The following TTLL8 variants were observed in gnomAD, a reference collection of about 807,000 sequenced individuals.
TTLL8 encodes protein monoglycylase TTLL8.
Under a neutral mutation model 77.8 loss-of-function variants are expected in TTLL8, and 65 were observed. The ratio of observed to expected loss-of-function variants is 0.84; its 90% CI spans 0.68 to 1.03. The LOEUF is 1.03. Ranked by LOEUF, TTLL8 falls within the 50% of genes least tolerant of loss-of-function variation. The pLI is 0.00. For missense variants in TTLL8, 910 were observed against 1,004.5 expected, an observed-to-expected ratio of 0.91 and a Z score of 1.27; for synonymous variants, 402 against 422.8, an observed-to-expected ratio of 0.95 and a Z score of 0.60.
chr22:50,019,756 T>A (rs1238263528), intron 12 of TTLL8, among the ~76,000 whole-genome samples: 1 of 152,162 alleles, frequency 6.6e-6, no homozygotes, highest in Non-Finnish European at 1.5e-5. Context: ...CCACAGAAAA[T>A]GTGGAGGATA....
intron 12 of TTLL8, among the ~76,000 whole-genome samples, chr22:50,019,586 T>G (rs1262124517): frequency 1.3e-5 from 2 of 152,070 alleles, no homozygotes; most frequent in Non-Finnish European, 2.9e-5. Flanking sequence ...CTGTGGAAGG[T>G]CCACGTGGGA....
chr22:50,056,427 G>T (rs547820966), upstream of TTLL8, among the ~76,000 whole-genome samples: 1 of 152,176 alleles, frequency 6.6e-6, no homozygotes, highest in African/African-American at 2.4e-5. The surrounding 1 kb of genome is among the most constrained non-coding windows in gnomAD (Gnocchi z 4.1). Flanking sequence ...CGGAGCTCTC[G>T]ATCTGGCCCT....
upstream of TTLL8, among the ~76,000 whole-genome samples, chr22:50,057,657 TGG>T: frequency 2.2e-5 from 2 of 91,848 alleles, no homozygotes; most frequent in Non-Finnish European, 4.0e-5. Context: ...AGGTCTGGGT[TGG>T]GAGATCAGGT....
At chr22:50,033,525 C>T (rs2061314193) in intron 9 of TTLL8, 80 bp from the exon 11 acceptor site, 5 of 1,246,418 alleles carry the variant, frequency 4.0e-6, no homozygotes, top group Middle Eastern at 2.3e-4. Flanking sequence ...GGGGCAGGGT[C>T]GCAGCTTGGC....
chr22:50,033,840 G>T (rs2061316595), intron 9 of TTLL8, among the ~76,000 whole-genome samples: 1 of 152,178 alleles, frequency 6.6e-6, no homozygotes, highest in Non-Finnish European at 1.5e-5. Context: ...TTCAAGACCA[G>T]CCTGGCCAAC....
At chr22:50,032,805 G>A (rs1400203056) in intron 10 of TTLL8, among the ~76,000 whole-genome samples, 1 of 152,170 alleles carries the variant, frequency 6.6e-6, no homozygotes, top group Non-Finnish European at 1.5e-5. Flanking sequence ...GGACCCGGGT[G>A]AGGTGGGGGT....
chr22:50,031,738 A>G lies in TTLL8; in HGVS notation c.1655T>C (p.Val552Ala), dbSNP rs766396879. 8.1e-6 allele frequency: 11 copies of G among 1,349,824 alleles called. No homozygotes were observed. In the South Asian group the frequency reaches 1.3e-4, roughly 15 times the overall value. The allele number at this position is 1,349,824 out of a possible 1,614,324, so 83.6% of individuals were successfully genotyped here. The change falls in exon 11 of 14, where the codon GTG becomes GCG. Residue 552 changes from valine (V) to alanine (A), a missense_variant. Physicochemically the swap from Val to Ala is moderately conservative, Grantham distance 64. Coordinates refer to ENST00000266182, the Ensembl canonical transcript of TTLL8. Reference sequence around the variant, plus strand: ...GATGTCACAGCTGCGGTCCACGGCCACCTTGATGGTGTCCTCCTGCACCTG... The same window carrying G: ...GATGTCACAGCTGCGGTCCACGGCCGCCTTGATGGTGTCCTCCTGCACCTG...
chr22:50,041,539 C>G lies in TTLL8; in HGVS notation c.830+82G>C. 1 of 1,240,578 alleles carries G rather than the reference C, an allele frequency of 8.1e-7. No individual in the cohort carries two copies. Among genetic ancestry groups the G allele is most frequent in the South Asian group, 1.4e-5 (1 of 69,406 alleles). 76.8% of individuals were successfully genotyped at this position (1,240,578 alleles called of 1,614,324 possible). Reference sequence around the variant, plus strand: ...TAATGCCCAGACAGGTGACCCAGTTCCCAGAGGCTGCACTGCCCCGGCAGC... The same window carrying G: ...TAATGCCCAGACAGGTGACCCAGTTGCCAGAGGCTGCACTGCCCCGGCAGC... On this transcript the variant is annotated intron_variant, in intron 7 of 13. Coordinates refer to ENST00000266182, the Ensembl canonical transcript of TTLL8. The surrounding 1 kb of genome is among the most constrained non-coding windows in gnomAD (Gnocchi z 4.3).
At chr22:50,028,593 G>A (rs1037932730) in intron 12 of TTLL8, among the ~76,000 whole-genome samples, 3 of 145,324 alleles carry the variant, frequency 2.1e-5, no homozygotes, top group East Asian at 2.0e-4. Flanking sequence ...CCATGCCCTC[G>A]TAAAGACCCC....
chr22:50,046,894 C>T (rs1389750409), intron 4 of TTLL8, among the ~76,000 whole-genome samples: 1 of 152,224 alleles, frequency 6.6e-6, no homozygotes, highest in Non-Finnish European at 1.5e-5. Flanking sequence ...CCGGTGGCAG[C>T]CCCCAGTCAG....
intron 4 of TTLL8, among the ~76,000 whole-genome samples, chr22:50,046,413 T>C (rs1052743572): frequency 2.0e-5 from 3 of 152,324 alleles, no homozygotes; most frequent in South Asian, 4.1e-4. Flanking sequence ...CACGCGCCAT[T>C]AGAGAGGCAT....
intron 12 of TTLL8, chr22:50,027,730 A>G: frequency 1.0e-6 from 1 of 985,434 alleles, no homozygotes; most frequent in Non-Finnish European, 1.2e-6. Flanking sequence ...TCTGAGAGCA[A>G]CGGTGCGGTT....
exon 4 of TTLL8, chr22:50,047,181 G>A (rs768187985): frequency 7.3e-7 from 1 of 1,367,514 alleles, no homozygotes; most frequent in Non-Finnish European, 9.8e-7. Context: ...GGTGGTGAAG[G>A]AGGCTGTCTT....
chr22:50,056,691 A>G, upstream of TTLL8: 1 of 949,656 alleles, frequency 1.1e-6, no homozygotes, highest in Non-Finnish European at 1.3e-6. This position sits in a 1 kb window ranked among gnomAD's most constrained non-coding sequence, Gnocchi z 4.1. Flanking sequence ...AGCGCCCCCC[A>G]ACACCCCTGG....
chr22:50,041,613 A>T lies in TTLL8; in HGVS notation c.830+8T>A, dbSNP rs2061371518. ...CCGACATGTGCCAGGGGCCTGCGTA[A>T]GTCTTACTGAACGAGGGAGTAGTAC... On this transcript the variant is annotated splice_region_variant and intron_variant, in intron 7 of 13. Transcript: ENST00000266182. The surrounding 1 kb of genome is among the most constrained non-coding windows in gnomAD (Gnocchi z 4.3). 1 of 1,348,172 alleles carries T rather than the reference A, an allele frequency of 7.4e-7. No homozygotes were observed. The highest frequency in any genetic ancestry group is 9.9e-7 in the Non-Finnish European group (1 of 1,011,756). 83.5% of individuals were successfully genotyped at this position (1,348,172 alleles called of 1,614,324 possible).
chr22:50,032,618 C>G (rs1052722108), intron 10 of TTLL8, among the ~76,000 whole-genome samples: 2 of 152,224 alleles, frequency 1.3e-5, no homozygotes, highest in Non-Finnish European at 1.5e-5. Context: ...TGGATTCTCA[C>G]TCGTAAAAAG....
intron 12 of TTLL8, among the ~76,000 whole-genome samples, chr22:50,022,878 A>G (rs1473899814): frequency 2.6e-5 from 4 of 152,288 alleles, no homozygotes; most frequent in Admixed American, 6.5e-5. Flanking sequence ...GAATTTACCA[A>G]CAAGTTGGGA....
At position 50,041,525 on chromosome 22, in the gene TTLL8, C is replaced by G. The variant is rs2061370770; in HGVS notation, c.830+96G>C. On this transcript the variant is annotated intron_variant, in intron 7 of 13. Coordinates refer to ENST00000266182, the Ensembl canonical transcript of TTLL8. This position sits in a 1 kb window ranked among gnomAD's most constrained non-coding sequence, Gnocchi z 4.3. ...CCCCACAGGTAGCCTAATGCCCAGA[C>G]AGGTGACCCAGTTCCCAGAGGCTGC... The G allele has an allele frequency of 8.1e-7, 1 of 1,227,458 alleles. No individual in the cohort carries two copies. Among genetic ancestry groups the G allele is most frequent in the East Asian group, 5.5e-5 (1 of 18,118 alleles). 76.0% of individuals were successfully genotyped at this position (1,227,458 alleles called of 1,614,324 possible).
upstream of TTLL8, chr22:50,055,272 A>T (rs1306073194): frequency 7.8e-7 from 1 of 1,290,096 alleles, no homozygotes; most frequent in Admixed American, 2.3e-5. Flanking sequence ...GCTATTTTGT[A>T]TCTGTCTAAT....
Sources: allele counts gnomAD v4.1 joint callset (sites outside exome capture counted in the v4.1 genomes callset), GRCh38; gene constraint gnomAD v4.1.1; non-coding constraint Gnocchi (gnomAD v3.1); transcripts MANE v1.5; gene names NCBI Gene and HGNC (gene_info 2026-07-23, HGNC 2026-07-21).